SPINT2: variants seen among roughly 807,000 people sequenced by gnomAD.
SPINT2 encodes the protein kunitz-type protease inhibitor 2.
In SPINT2, 18 loss-of-function variants were observed where a neutral mutation model predicts 30.1. That is an observed-to-expected ratio of 0.60 (90% CI 0.41 to 0.89). The LOEUF (loss-of-function observed/expected upper bound fraction) is 0.89. Among genes scored for constraint, SPINT2 ranks in the 40% least tolerant of loss-of-function variants. The pLI, the probability that SPINT2 is intolerant of heterozygous loss-of-function variation, is 0.00. For synonymous variants in SPINT2, 139 were observed against 137.9 expected (o/e 1.01, Z -0.05); for missense variants, 276 against 334.3 (o/e 0.83, Z 1.36).
intron 1 of SPINT2, among the ~76,000 whole-genome samples, chr19:38,277,475 C>T (rs980357408): frequency 6.6e-6 from 1 of 152,090 alleles, no homozygotes; most frequent in African/African-American, 2.4e-5. Flanking sequence ...GCTGGGATTA[C>T]AGATGTGAGC....
intron 2 of SPINT2, among the ~76,000 whole-genome samples, chr19:38,284,448 C>CT (rs1968618561): frequency 6.6e-6 from 1 of 152,172 alleles, no homozygotes; most frequent in Admixed American, 6.5e-5. Context: ...ACTTTCCTCT[C>CT]TTTATTAGTT....
At chr19:38,272,851 C>G (rs1968472932) in intron 1 of SPINT2, among the ~76,000 whole-genome samples, 1 of 152,152 alleles carries the variant, frequency 6.6e-6, no homozygotes, top group African/African-American at 2.4e-5. Flanking sequence ...TCCTGAGTAA[C>G]TGGGATTACA....
At position 38,290,521 on chromosome 19, in the gene SPINT2, G is replaced by A. The variant is rs369303695; in HGVS notation, c.554-16G>A. 97 of 1,613,934 alleles carry A rather than the reference G, an allele frequency of 6.0e-5. No homozygotes were observed. In the African/African-American group the frequency reaches 1.1e-3, roughly 18 times the overall value. ...GGGGGCTGTGAGCTGACCTCAGGCT[G>A]TGTGTTCTCTTCCAGGCCAGCAGGA... On this transcript the variant is annotated splice_polypyrimidine_tract_variant and intron_variant, in intron 5 of 6. Transcript: ENST00000301244. The surrounding 1 kb of genome is among the most constrained non-coding windows in gnomAD (Gnocchi z 4.3).
chr19:38,280,810 T>TG (rs1158281529), intron 1 of SPINT2, among the ~76,000 whole-genome samples: 1 of 152,126 alleles, frequency 6.6e-6, no homozygotes, highest in African/African-American at 2.4e-5. Context: ...CTCAGGTTAT[T>TG]GGTTTTTGTT....
intron 1 of SPINT2, among the ~76,000 whole-genome samples, chr19:38,274,555 C>T (rs772498854): frequency 3.3e-5 from 5 of 152,062 alleles, no homozygotes; most frequent in East Asian, 1.9e-4. Context: ...AGGTGGCTCA[C>T]GCCTGTAATC....
chr19:38,271,515 G>C (rs1449126942), intron 1 of SPINT2, among the ~76,000 whole-genome samples: 1 of 149,302 alleles, frequency 6.7e-6, no homozygotes, highest in African/African-American at 2.5e-5. Flanking sequence ...GTTATGCTAA[G>C]TGAGAGGAGC....
At chr19:38,266,355 A>G (rs1405726139) in intron 1 of SPINT2, among the ~76,000 whole-genome samples, 1 of 151,662 alleles carries the variant, frequency 6.6e-6, no homozygotes, top group Non-Finnish European at 1.5e-5. Flanking sequence ...CAGCTTGGGC[A>G]ACAAGAGTGA....
chr19:38,290,779 C>T lies in SPINT2; in HGVS notation c.592+204C>T. ...AGTTGGGGCTGGAGTGAGTCAGTCA[C>T]AAGGCAGGCCCTGCCCAGGCGGCGT... On this transcript the variant is annotated intron_variant, in intron 6 of 6. Transcript: ENST00000301244. This position sits in a 1 kb window ranked among gnomAD's most constrained non-coding sequence, Gnocchi z 4.3. 2 of 737,032 alleles carry T rather than the reference C, an allele frequency of 2.7e-6. No homozygotes were observed. Among genetic ancestry groups the T allele is most frequent in the East Asian group, 2.7e-5 (1 of 36,660 alleles). The allele number at this position is 737,032 out of a possible 1,614,324, so 45.7% of individuals were successfully genotyped here. A position where few individuals can be genotyped will look rare whatever the true frequency, so the allele number is the denominator to read the frequency against.
At chr19:38,278,169 T>C (rs561407993) in intron 1 of SPINT2, among the ~76,000 whole-genome samples, 34 of 152,308 alleles carry the variant, frequency 2.2e-4, no homozygotes, top group African/African-American at 7.9e-4. Context: ...GACCCTGTCA[T>C]TGAGTGTGAC....
At position 38,269,154 on chromosome 19, in the gene SPINT2, G is replaced by A. The variant is rs183212628; in HGVS notation, c.106+4156G>A. On this transcript the variant is annotated intron_variant, in intron 1 of 6. Coordinates refer to ENST00000301244, the MANE Select transcript of SPINT2 (RefSeq NM_021102.4). ...CTCTCATCGCCCAGTCTGGAGTGCA[G>A]TAGCGCGATCTCAGCTCACTGCAAT... Among the ~76,000 whole-genome samples, 30 of 152,062 alleles carry A rather than the reference G, an allele frequency of 2.0e-4. No individual in the cohort carries two copies. In the East Asian group the frequency reaches 5.6e-3, roughly 28 times the overall value.
chr19:38,277,396 C>T (rs566405061), intron 1 of SPINT2, among the ~76,000 whole-genome samples: 1 of 151,654 alleles, frequency 6.6e-6, no homozygotes, highest in African/African-American at 2.4e-5. Context: ...AGGTGCACAC[C>T]ACCACACCCG....
chr19:38,268,026 A>C (rs185090203), intron 1 of SPINT2, among the ~76,000 whole-genome samples: 10 of 152,208 alleles, frequency 6.6e-5, no homozygotes, highest in African/African-American at 1.9e-4. Flanking sequence ...GAGATTGAGG[A>C]CATGGAAGAT....
chr19:38,284,695 G>A (rs1968621290), intron 2 of SPINT2, among the ~76,000 whole-genome samples: 1 of 152,162 alleles, frequency 6.6e-6, no homozygotes, highest in Non-Finnish European at 1.5e-5. Context: ...CTTGAGCAGA[G>A]GCTTTTTGAT....
At chr19:38,266,178 CAG>C in intron 1 of SPINT2, among the ~76,000 whole-genome samples, 1 of 152,194 alleles carries the variant, frequency 6.6e-6, no homozygotes, top group East Asian at 1.9e-4. Context: ...AGGGAAAAGA[CAG>C]AGCCAGCCTG....
chr19:38,292,109 G>A lies in SPINT2; in HGVS notation c.*103G>A. On this transcript the variant is annotated 3_prime_UTR_variant, in exon 7 of 7. Coordinates refer to ENST00000301244, the MANE Select transcript of SPINT2 (RefSeq NM_021102.4). ...GATTTGAGTGATCATTAGGGCTGAG[G>A]TCTGTTTCTCTGGGAGGTAGGACGG... is the stretch of plus-strand genomic sequence containing the variant. 1 of 1,496,440 alleles carries A rather than the reference G, an allele frequency of 6.7e-7. No homozygotes were observed. Among genetic ancestry groups the A allele is most frequent in the East Asian group, 2.4e-5 (1 of 41,104 alleles). 92.7% of individuals were successfully genotyped at this position (1,496,440 alleles called of 1,614,324 possible).
At chr19:38,277,917 G>T (rs144329012) in intron 1 of SPINT2, among the ~76,000 whole-genome samples, 1 of 152,178 alleles carries the variant, frequency 6.6e-6, no homozygotes, top group East Asian at 1.9e-4. Context: ...TTTTCCTGTT[G>T]GTCCGTCTCC....
rs1968360244 is a variant in SPINT2 at position 38,264,980 on chromosome 19, C to A, written c.88C>A (p.Arg30=). 1.3e-6 allele frequency: 2 copies of A among 1,532,956 alleles called. No homozygotes were observed. The highest frequency in any genetic ancestry group is 1.4e-5 in the African/African-American group (1 of 72,492). The allele number at this position is 1,532,956 out of a possible 1,614,324, so 95.0% of individuals were successfully genotyped here. ...CCTCTCTGGGGTCCTGGCGGCCGAC[C>A]GAGAACGCAGCATCCACGGTGAGGG... ...LLLSGVLAAD[R]ERSIHDFCLV... is the part of the protein sequence containing the mutation. The change falls in exon 1 of 7, where the codon CGA becomes AGA. Residue 30 remains arginine, a synonymous_variant. Transcript: ENST00000301244.
intron 2 of SPINT2, among the ~76,000 whole-genome samples, chr19:38,287,085 G>A (rs938176662): frequency 6.6e-6 from 1 of 152,190 alleles, no homozygotes; most frequent in Non-Finnish European, 1.5e-5. Flanking sequence ...GGTCAATGGT[G>A]TGATCTCGGC....
In SPINT2 at chr19:38,289,152, G is replaced by C; in HGVS notation, c.352G>C (p.Asp118His). The C allele has an allele frequency of 1.2e-6, 2 of 1,614,014 alleles. No homozygotes were observed. Among genetic ancestry groups the C allele is most frequent in the Non-Finnish European group, 8.5e-7 (1 of 1,179,974 alleles). Residue 118 changes from aspartate to histidine, a missense_variant, in exon 4 of 7, where the codon GAT (aspartate) becomes CAT (histidine). Coordinates refer to ENST00000301244, the MANE Select transcript of SPINT2 (RefSeq NM_021102.4). ...TTGTGTTTCAGCTCCCAGAAGGCAG[G>C]ATTCTGAAGACCACTCCAGCGATAT... ...SSVPSAPRRQDSEDHSSDMFN... is the reference protein window; with the variant it reads ...SSVPSAPRRQHSEDHSSDMFN...
Sources: allele counts gnomAD v4.1 joint callset (sites outside exome capture counted in the v4.1 genomes callset), GRCh38; gene constraint gnomAD v4.1.1; non-coding constraint Gnocchi (gnomAD v3.1); transcripts MANE v1.5; gene names NCBI Gene and HGNC (gene_info 2026-07-23, HGNC 2026-07-21).